Variants in KIAA1755 observed in about 807,000 individuals in gnomAD.
KIAA1755 encodes uncharacterized protein KIAA1755.
A neutral mutation model predicts 91.7 loss-of-function variants in KIAA1755; 68 were observed. That is an observed-to-expected ratio of 0.74 (90% CI 0.61 to 0.91). The LOEUF is 0.91. KIAA1755 is among the 40% of genes least tolerant of loss of function. KIAA1755 has a pLI of 0.00. For synonymous variants in KIAA1755, 610 were observed against 604.6 expected (o/e 1.01, Z -0.13); for missense variants, 1,535 against 1,494.4 (o/e 1.03, Z -0.45).
chr20:38,221,129 G>A (rs2075650971), intron 10 of KIAA1755, among the ~76,000 whole-genome samples: 1 of 152,238 alleles, frequency 6.6e-6, no homozygotes, highest in Admixed American at 6.5e-5. Context: ...TTGCAGGGAA[G>A]AGGTGTGGCC....
intron 1 of KIAA1755, among the ~76,000 whole-genome samples, chr20:38,259,573 C>CTT (rs1431625041): frequency 1.1e-5 from 1 of 90,958 alleles, no homozygotes; most frequent in African/African-American, 4.6e-5. Context: ...ATATGGAATT[C>CTT]TTCTGCTTGT....
At chr20:38,219,113 G>A (rs1988760422) in intron 11 of KIAA1755, among the ~76,000 whole-genome samples, 1 of 152,140 alleles carries the variant, frequency 6.6e-6, no homozygotes, top group South Asian at 2.1e-4. Flanking sequence ...AGTAAGTGCT[G>A]GAGCCAGGAA....
intron 9 of KIAA1755, among the ~76,000 whole-genome samples, chr20:38,223,326 G>C (rs2075695200): frequency 6.6e-6 from 1 of 152,210 alleles, no homozygotes; most frequent in African/African-American, 2.4e-5. Context: ...AGCACCACGA[G>C]CCCCAAGAGG....
Position 38,227,187 on chromosome 20 carries a change from C to T in KIAA1755, c.2019G>A (p.Ala673=), listed in dbSNP as rs1293777237. The part of the protein sequence containing the change: ...RAILFLGEKE[A]ALQLQTLPDV... The stretch of plus-strand genomic sequence containing the variant: ...CAGGTAATGTCTGCAGCTGGAGAGC[C>T]GCCTCCTTCTCCCCCAGGAAGAGAA... Residue 673 remains alanine (A), a synonymous_variant, in exon 7 of 14, where the codon GCG becomes GCA. Coordinates refer to ENST00000279024, the MANE Select transcript of KIAA1755 (RefSeq NM_001029864.2). 9.3e-6 allele frequency: 15 copies of T among 1,613,844 alleles called. No individual in the cohort carries two copies. The highest frequency in any genetic ancestry group is 4.5e-5 in the East Asian group (2 of 44,892).
At chr20:38,216,635 T>G (rs539220767) in intron 13 of KIAA1755, among the ~76,000 whole-genome samples, 1 of 152,200 alleles carries the variant, frequency 6.6e-6, no homozygotes, top group African/African-American at 2.4e-5. Context: ...TTTGGCTACA[T>G]GAATTTAGGA....
At chr20:38,246,441 C>T (rs1376201800) in intron 1 of KIAA1755, among the ~76,000 whole-genome samples, 50 of 149,712 alleles carry the variant, frequency 3.3e-4, no homozygotes, top group Non-Finnish European at 8.9e-5. Flanking sequence ...TCCACGGAGA[C>T]GTGGAGGAAT....
chr20:38,252,729 G>C (rs978641654), intron 1 of KIAA1755, among the ~76,000 whole-genome samples: 3 of 152,190 alleles, frequency 2.0e-5, no homozygotes, highest in African/African-American at 7.2e-5. Flanking sequence ...AAATTGGCTT[G>C]GTTTGCCACA....
chr20:38,222,696 G>T lies in KIAA1755; in HGVS notation c.2269-99C>A, dbSNP rs1465494929. ...CAGATCAAGTCCAACTCCCAGTTTG[G>T]CATTCAAGGTCCTCCAGAAAGTCTG... On this transcript the variant is annotated intron_variant, in intron 9 of 13. Coordinates refer to ENST00000279024, the MANE Select transcript of KIAA1755 (RefSeq NM_001029864.2). 6.2e-6 allele frequency: 8 copies of T among 1,280,634 alleles called. No individual in the cohort carries two copies. In the African/African-American group the frequency reaches 1.2e-4, roughly 19 times the overall value. 79.3% of individuals were successfully genotyped at this position (1,280,634 alleles called of 1,614,324 possible). A position where few individuals can be genotyped will look rare whatever the true frequency, so the allele number is the denominator to read the frequency against.
intron 13 of KIAA1755, among the ~76,000 whole-genome samples, chr20:38,214,198 G>A (rs1488710264): frequency 6.6e-5 from 10 of 152,238 alleles, no homozygotes; most frequent in Non-Finnish European, 1.3e-4. Context: ...TGATCCACCC[G>A]CCGCAGCCTC....
Position 38,241,080 on chromosome 20 carries a change from C to T in KIAA1755, c.1051G>A (p.Gly351Ser). 6 of 1,614,116 alleles carry T rather than the reference C, an allele frequency of 3.7e-6. No individual in the cohort carries two copies. Among genetic ancestry groups the T allele is most frequent in the African/African-American group, 1.3e-5 (1 of 75,042 alleles). ...ESSEERPYNL[G>S]FRRKVNLKAP... ...TTAAGATTGACCTTTCTCCTGAAGCCCAAATTATAGGGCCTCTCCTCAGAG... is the reference window on the plus strand; with the variant it reads ...TTAAGATTGACCTTTCTCCTGAAGCTCAAATTATAGGGCCTCTCCTCAGAG... Residue 351 changes from glycine (G) to serine (S), a missense_variant, in exon 3 of 14, where the codon GGC becomes AGC. Gly to Ser is a moderately conservative substitution (Grantham distance 56). Transcript: ENST00000279024.
chr20:38,232,390 G>T (rs1275569465), intron 4 of KIAA1755, among the ~76,000 whole-genome samples: 1 of 151,894 alleles, frequency 6.6e-6, no homozygotes, highest in East Asian at 1.9e-4. Context: ...ACTTTGGGAG[G>T]CTGAGGCGGG....
chr20:38,252,201 C>T (rs980009291), intron 1 of KIAA1755, among the ~76,000 whole-genome samples: 1 of 152,164 alleles, frequency 6.6e-6, no homozygotes, highest in Admixed American at 6.5e-5. Context: ...TGTACAGGGT[C>T]TTGGGGAAAG....
chr20:38,212,643 A>C lies in KIAA1755; in HGVS notation c.*399T>G. 1 of 167,304 alleles carries C rather than the reference A, an allele frequency of 6.0e-6. No homozygotes were observed. Among genetic ancestry groups the C allele is most frequent in the Non-Finnish European group, 1.3e-5 (1 of 77,740 alleles). The allele number at this position is 167,304 out of a possible 1,614,324, so 10.4% of individuals were successfully genotyped here. A position where few individuals can be genotyped will look rare whatever the true frequency, so the allele number is the denominator to read the frequency against. On this transcript the variant is annotated 3_prime_UTR_variant, in exon 14 of 14. Transcript: ENST00000279024. ...CCGAATCTCCCCGAGGATTCTGCCT[A>C]AGGGCAACACTGGCCCTCGTACCCG... is the stretch of plus-strand genomic sequence containing the variant.
intron 2 of KIAA1755, among the ~76,000 whole-genome samples, chr20:38,245,234 A>G (rs1018604377): frequency 2.9e-4 from 44 of 152,136 alleles, no homozygotes; most frequent in African/African-American, 1.0e-3. Context: ...TCTCTAGGAT[A>G]GAATATAAAT....
Position 38,241,910 on chromosome 20 carries a change from A to G in KIAA1755, c.221T>C (p.Leu74Pro). ...EAACAPYSHC[L>P]FLHEGWPLCL... is the part of the protein sequence containing the mutation. ...GAGTGGCCAGCCCTCGTGTAAGAAG[A>G]GGCAGTGTGAGTAGGGAGCCTGTGG... Residue 74 changes from leucine (L) to proline (P), a missense_variant, in exon 3 of 14, where the codon CTC becomes CCC. Leu to Pro is a moderately conservative substitution (Grantham distance 98, BLOSUM62 -3). Coordinates refer to ENST00000279024, the MANE Select transcript of KIAA1755 (RefSeq NM_001029864.2). 1.2e-6 allele frequency: 2 copies of G among 1,613,074 alleles called. No homozygotes were observed. Among genetic ancestry groups the G allele is most frequent in the Non-Finnish European group, 1.7e-6 (2 of 1,179,730 alleles).
In KIAA1755 at chr20:38,210,612, C is replaced by CAGAGGGATGCACA. The variant is rs2075440583; in HGVS notation, c.*2429_*2430insTGTGCATCCCTCT. The CAGAGGGATGCACA allele has an allele frequency of 6.6e-6, 1 of 152,170 alleles. No homozygotes were observed. The highest frequency in any genetic ancestry group is 2.4e-5 in the African/African-American group (1 of 41,438). 9.4% of individuals were successfully genotyped at this position (152,170 alleles called of 1,614,324 possible). A position where few individuals can be genotyped will look rare whatever the true frequency, so the allele number is the denominator to read the frequency against. ...AGTGAGGGGAGAGATTGTTGGGGTA[C>CAGAGGGATGCACA]AGTTCTTTCTGGGGACAGAGGGATG... On this transcript the variant is annotated 3_prime_UTR_variant, in exon 14 of 14. Transcript: ENST00000279024.
In KIAA1755 at chr20:38,253,291, C is replaced by T. The variant is rs146979175; in HGVS notation, c.4-7165G>A. Among the ~76,000 whole-genome samples the T allele has an allele frequency of 1.4e-3, 213 of 152,326 alleles. 1 individual carries two copies. Among genetic ancestry groups the T allele is most frequent in the African/African-American group, 4.9e-3 (205 of 41,572 alleles). ...TGCAGGTTAGGAGGGACTACTTGCT[C>T]ACAGCGGTTATAACCTGGGCAGGGG... On this transcript the variant is annotated intron_variant, in intron 1 of 13. Coordinates refer to ENST00000279024, the MANE Select transcript of KIAA1755 (RefSeq NM_001029864.2).
intron 13 of KIAA1755, among the ~76,000 whole-genome samples, chr20:38,215,720 G>A (rs1394513089): frequency 1.3e-5 from 2 of 152,228 alleles, no homozygotes; most frequent in African/African-American, 4.8e-5. Flanking sequence ...GATCCGGGAA[G>A]GCCAGTGGGG....
intron 5 of KIAA1755, among the ~76,000 whole-genome samples, chr20:38,228,809 T>C (rs2123140129): frequency 6.6e-6 from 1 of 152,326 alleles, no homozygotes; most frequent in Middle Eastern, 3.4e-3. Flanking sequence ...GGCAGAGACA[T>C]ACAATGATAC....
Sources: gnomAD v4.1 joint callset for allele counts (sites outside exome capture counted in the v4.1 genomes callset) on GRCh38, gnomAD v4.1.1 for gene constraint, MANE v1.5 for transcripts, NCBI Gene and HGNC (gene_info 2026-07-23, HGNC 2026-07-21) for gene names.